Variants in ZNF185 observed in about 807,000 individuals in gnomAD.
The protein encoded by ZNF185 is zinc finger protein 185 with LIM domain, also known as zinc finger protein 185.
A neutral mutation model predicts 58.6 loss-of-function variants in ZNF185; 56 were observed. The ratio of observed to expected loss-of-function variants is 0.95; its 90% CI spans 0.77 to 1.19. The LOEUF is 1.19. Ranked by LOEUF, ZNF185 falls within the 50% of genes most tolerant of loss-of-function variation. The probability of loss-of-function intolerance (pLI) is 0.00; values close to 1 mark genes in which losing one functional copy is unlikely to be tolerated. For missense variants in ZNF185, 627 were observed against 573.5 expected, an observed-to-expected ratio of 1.09 and a Z score of -0.95; for synonymous variants, 230 against 215.9, an observed-to-expected ratio of 1.07 and a Z score of -0.57.
chrX:152,937,386 G>A (rs1161453286), intron 14 of ZNF185, among the ~76,000 whole-genome samples: 8 of 111,724 alleles, frequency 7.2e-5, no homozygotes, highest in Non-Finnish European at 1.5e-4. Context: ...GCACAGCTGC[G>A]TGGCCAGCTC....
intron 7 of ZNF185, among the ~76,000 whole-genome samples, chrX:152,919,553 GTC>G (rs1939277549): frequency 9.0e-6 from 1 of 111,675 alleles, no homozygotes; most frequent in Non-Finnish European, 1.9e-5. Context: ...TTCTACCCTA[GTC>G]TCTGCGCCAA....
Position 152,940,311 on chromosome X carries a change from C to T in ZNF185, c.1211+2148C>T, listed in dbSNP as rs782562049. Among the ~76,000 whole-genome samples the T allele has an allele frequency of 1.8e-4, 19 of 108,266 alleles. No individual in the cohort carries two copies. The Admixed American group carries it at 1.9e-3, about 11-fold the overall frequency. 94.0% of individuals were successfully genotyped at this position (108,266 alleles called of 115,157 possible). A position where few individuals can be genotyped will look rare whatever the true frequency, so the allele number is the denominator to read the frequency against. Reference sequence around the variant, plus strand: ...CTTGGTTTTTTATGTTCTAGGGAGACATAAGACATCAATCAATACATGTGA... The same window carrying T: ...CTTGGTTTTTTATGTTCTAGGGAGATATAAGACATCAATCAATACATGTGA... On this transcript the variant is annotated intron_variant, in intron 15 of 22. Coordinates refer to ENST00000449285, the Ensembl canonical transcript of ZNF185.
intron 16 of ZNF185, among the ~76,000 whole-genome samples, chrX:152,948,345 G>A (rs2047978804): frequency 9.0e-6 from 1 of 111,478 alleles, no homozygotes; most frequent in Non-Finnish European, 1.9e-5. Context: ...TGTGGGAGGG[G>A]TGAGCAGATA....
At chrX:152,939,776 G>GTTTTTTT (rs57118182) in intron 15 of ZNF185, among the ~76,000 whole-genome samples, 6 of 49,839 alleles carry the variant, frequency 1.2e-4, no homozygotes, top group Non-Finnish European at 1.7e-4. Flanking sequence ...AATCAGAGGT[G>GTTTTTTT]TTTTTTTTTT....
At chrX:152,913,820 T>C (rs998220664), upstream of ZNF185, among the ~76,000 whole-genome samples, 9 of 112,221 alleles carry the variant, frequency 8.0e-5, no homozygotes, top group Non-Finnish European at 1.5e-4. Flanking sequence ...CGGGTACTTA[T>C]AGGAGCATCG....
Position 152,921,998 on chromosome X carries a change from A to G in ZNF185, c.657-175A>G, listed in dbSNP as rs147594104. 1.2e-4 allele frequency among the ~76,000 whole-genome samples: 13 copies of G among 111,536 alleles called. No homozygotes were observed. In the East Asian group the frequency reaches 3.7e-3, roughly 32 times the overall value. Reference sequence around the variant, plus strand: ...ATTTTGGGGGGACACTATTCAACCCAGTATGCTGTCCTTATCCTGAGCTGG... The same window carrying G: ...ATTTTGGGGGGACACTATTCAACCCGGTATGCTGTCCTTATCCTGAGCTGG... On this transcript the variant is annotated intron_variant, in intron 9 of 22. Transcript: ENST00000449285.
the ZNF185 span, among the ~76,000 whole-genome samples, chrX:152,903,958 G>A: frequency 8.9e-6 from 1 of 111,883 alleles, no homozygotes; most frequent in East Asian, 2.8e-4. Context: ...GGTGTTAGGG[G>A]TGGGATGGGG....
chrX:152,962,336 T>G (rs2049593155), intron 17 of ZNF185, among the ~76,000 whole-genome samples: 1 of 110,653 alleles, frequency 9.0e-6, no homozygotes, highest in African/African-American at 3.3e-5. Flanking sequence ...TTACCCAGGT[T>G]GTTTTTGAAT....
intron 11 of ZNF185, 126 bp from the exon 13 acceptor site, chrX:152,928,449 C>A: frequency 1.5e-6 from 1 of 676,835 alleles, no homozygotes; most frequent in African/African-American, 2.1e-5. Context: ...AGGCTCAAGG[C>A]CAAGGAGGAG....
chrX:152,918,209 A>C (rs1384483677), intron 6 of ZNF185, 55 bp downstream of exon 7: 39 of 1,144,273 alleles, frequency 3.4e-5, no homozygotes, highest in Non-Finnish European at 4.6e-5. Context: ...AACAAGTCCA[A>C]ACTCTGGGTC....
At chrX:152,918,127 A>G (rs1489221730) in exon 6 of ZNF185, 1 of 1,196,389 alleles carries the variant, frequency 8.4e-7, no homozygotes, top group Admixed American at 2.3e-5. Flanking sequence ...TCTGGCTACA[A>G]GATGACCACT....
At chrX:152,936,339 A>C in intron 14 of ZNF185, 79 bp from the exon 16 acceptor site, 41 of 789,490 alleles carry the variant, frequency 5.2e-5, no homozygotes, top group Non-Finnish European at 6.5e-5. Flanking sequence ...TGTGGGGGGC[A>C]GGATCCACTT....
rs781852491 is a variant in ZNF185, at chrX:152,941,031, G to C, written c.1211+2868G>C. 6.2e-5 allele frequency among the ~76,000 whole-genome samples: 7 copies of C among 112,455 alleles called. No individual in the cohort carries two copies. The South Asian group carries it at 2.6e-3, about 41-fold the overall frequency. Reference sequence around the variant, plus strand: ...CGTTGTGTCCCCTTGGCTGAGAGAAGTGTCCATTCATTCAGCTGGGGAGCT... The same window carrying C: ...CGTTGTGTCCCCTTGGCTGAGAGAACTGTCCATTCATTCAGCTGGGGAGCT... On this transcript the variant is annotated intron_variant, in intron 15 of 22. Coordinates refer to ENST00000449285, the Ensembl canonical transcript of ZNF185.
chrX:152,914,412 G>T, upstream of ZNF185: 1 of 939,707 alleles, frequency 1.1e-6, no homozygotes, highest in South Asian at 2.3e-5. Context: ...ACAAATGCAT[G>T]AAGTGACAGC....
Position 152,920,440 on chromosome X carries a change from C to G in ZNF185, c.614+29C>G, listed in dbSNP as rs782786870. The G allele has an allele frequency of 3.4e-6, 4 of 1,180,891 alleles. No homozygotes were observed. The East Asian group carries it at 1.2e-4, about 35-fold the overall frequency. ...AGTTGCCACCAACTGGCTCCAGGCT[C>G]TAGGACAGCTCTCCTCTCCTCAGAG... On this transcript the variant is annotated intron_variant, in intron 8 of 22. Transcript: ENST00000449285.
At chrX:152,905,723 G>A in the ZNF185 span, among the ~76,000 whole-genome samples, 1 of 107,881 alleles carries the variant, frequency 9.3e-6, no homozygotes, top group Non-Finnish European at 1.9e-5. Context: ...TGGGGGGGGG[G>A]CGGGGTCACA....
chrX:152,931,761 A>G (rs782398755), exon 13 of ZNF185: 2 of 1,206,353 alleles, frequency 1.7e-6, no homozygotes, highest in Admixed American at 4.4e-5. Context: ...AGGGCCCCCA[A>G]CACAGATGCT....
chrX:152,960,342 A>G (rs2049330950), intron 17 of ZNF185, among the ~76,000 whole-genome samples: 1 of 112,698 alleles, frequency 8.9e-6, no homozygotes, highest in Admixed American at 9.4e-5. Flanking sequence ...GGATTTGGAC[A>G]GTAATGTAGC....
chrX:152,965,350 G>A (rs905337819), intron 18 of ZNF185, 97 bp from the exon 21 acceptor site: 10 of 760,009 alleles, frequency 1.3e-5, no homozygotes, highest in South Asian at 2.8e-5. Flanking sequence ...TTCAAACCAG[G>A]CTGGGTCTCC....
Sources: allele counts gnomAD v4.1 joint callset (sites outside exome capture counted in the v4.1 genomes callset), GRCh38; gene constraint gnomAD v4.1.1; transcripts MANE v1.5; gene names NCBI Gene and HGNC (gene_info 2026-07-23, HGNC 2026-07-21).